LRRC4C: variants seen among roughly 807,000 people sequenced by gnomAD.
LRRC4C encodes leucine-rich repeat-containing protein 4C.
A neutral mutation model predicts 33.6 loss-of-function variants in LRRC4C; 5 were observed. That is an observed-to-expected ratio of 0.15 (90% CI 0.08 to 0.31). The LOEUF (loss-of-function observed/expected upper bound fraction) is 0.31, where lower values mean the gene tolerates loss of function less well. Ranked by LOEUF, LRRC4C falls within the 10% of genes least tolerant of loss-of-function variation. LRRC4C has a pLI of 1.00. For missense variants in LRRC4C, 560 were observed against 796.7 expected (o/e 0.70, Z 3.58); for synonymous variants, 329 against 302.0 (o/e 1.09, Z -0.93).
At chr11:41,048,105 T>C (rs1355498541) in intron 1 of LRRC4C, among the ~76,000 whole-genome samples, 1 of 152,188 alleles carries the variant, frequency 6.6e-6, no homozygotes, top group African/African-American at 2.4e-5. Context: ...TTTTTACCTT[T>C]TCTTTTTAAG....
intron 2 of LRRC4C, among the ~76,000 whole-genome samples, chr11:40,884,028 G>A (rs1449855950): frequency 6.6e-6 from 1 of 151,790 alleles, no homozygotes; most frequent in Non-Finnish European, 1.5e-5. Context: ...AGCCCCGCAT[G>A]CATTATCTTA....
intron 3 of LRRC4C, among the ~76,000 whole-genome samples, chr11:40,348,673 T>C (rs1231974271): frequency 6.6e-6 from 1 of 152,140 alleles, no homozygotes; most frequent in Non-Finnish European, 1.5e-5. Flanking sequence ...CCAAAACCCA[T>C]GCAAACTAAA....
intron 1 of LRRC4C, among the ~76,000 whole-genome samples, chr11:41,239,321 C>CAA (rs56018613): frequency 0.15 from 8,278 of 54,858 alleles, 1,533 homozygotes; most frequent in East Asian, 0.41. Flanking sequence ...GACTCTGTCT[C>CAA]AAAAAAAAAA....
At chr11:40,923,540 G>T (rs1431053762) in intron 2 of LRRC4C, among the ~76,000 whole-genome samples, 3 of 152,166 alleles carry the variant, frequency 2.0e-5, no homozygotes, top group South Asian at 2.1e-4. Flanking sequence ...CCATGGAAAT[G>T]TAAAGATGAA....
At chr11:40,677,077 C>A (rs570751024) in intron 2 of LRRC4C, among the ~76,000 whole-genome samples, 146 of 152,166 alleles carry the variant, frequency 9.6e-4, no homozygotes, top group African/African-American at 3.2e-3. Context: ...GTTTTAAATT[C>A]TCTTCTTTCT....
intron 1 of LRRC4C, among the ~76,000 whole-genome samples, chr11:41,274,954 G>A (rs1949436490): frequency 6.6e-6 from 1 of 152,088 alleles, no homozygotes; most frequent in African/African-American, 2.4e-5. Context: ...ACTGGGAGAT[G>A]TATGGGTCAT....
intron 3 of LRRC4C, among the ~76,000 whole-genome samples, chr11:40,461,989 G>T (rs1952420151): frequency 6.6e-6 from 1 of 151,830 alleles, no homozygotes; most frequent in South Asian, 2.1e-4. Flanking sequence ...AGGAAGACTA[G>T]GTGGTCCATT....
chr11:40,182,951 G>C (rs1861123898), intron 5 of LRRC4C, among the ~76,000 whole-genome samples: 1 of 152,110 alleles, frequency 6.6e-6, no homozygotes. Context: ...TTAAAAAAAT[G>C]GGGCATAGTG....
intron 1 of LRRC4C, among the ~76,000 whole-genome samples, chr11:41,069,155 C>T (rs1483778015): frequency 6.6e-6 from 1 of 152,092 alleles, no homozygotes; most frequent in Non-Finnish European, 1.5e-5. Flanking sequence ...ATAAACAGAA[C>T]CAATGACAAA....
At chr11:40,637,693 A>G (rs1017813778) in intron 3 of LRRC4C, among the ~76,000 whole-genome samples, 1 of 152,182 alleles carries the variant, frequency 6.6e-6, no homozygotes, top group African/African-American at 2.4e-5. Context: ...CTCAAAATAT[A>G]TATAGAATCC....
At chr11:41,373,161 T>C (rs1471778981) in intron 1 of LRRC4C, among the ~76,000 whole-genome samples, 1 of 152,138 alleles carries the variant, frequency 6.6e-6, no homozygotes, top group Non-Finnish European at 1.5e-5. Flanking sequence ...TATAATCTCT[T>C]GGGCTTAGAC....
At chr11:41,206,597 G>A (rs1193606872) in intron 1 of LRRC4C, among the ~76,000 whole-genome samples, 1 of 152,072 alleles carries the variant, frequency 6.6e-6, no homozygotes, top group African/African-American at 2.4e-5. Context: ...CCCTTTGAGT[G>A]CCCCAGGCCC....
intron 3 of LRRC4C, among the ~76,000 whole-genome samples, chr11:40,552,632 G>T (rs1957170536): frequency 6.6e-6 from 1 of 152,106 alleles, no homozygotes. Context: ...GCCAGAAAGA[G>T]CAACATTTGT....
intron 3 of LRRC4C, among the ~76,000 whole-genome samples, chr11:40,516,185 G>T (rs1240970980): frequency 6.6e-6 from 1 of 151,486 alleles, no homozygotes; most frequent in Admixed American, 6.6e-5. Flanking sequence ...AACTTCCATT[G>T]GTATGACAAA....
At chr11:40,948,920 C>A (rs1394788026) in intron 1 of LRRC4C, among the ~76,000 whole-genome samples, 3 of 152,026 alleles carry the variant, frequency 2.0e-5, no homozygotes, top group African/African-American at 7.2e-5. Flanking sequence ...ATTTCTAGTT[C>A]TAGATCCCTG....
chr11:41,137,079 C>T (rs1565416935), intron 1 of LRRC4C, among the ~76,000 whole-genome samples: 1 of 151,978 alleles, frequency 6.6e-6, no homozygotes, highest in Non-Finnish European at 1.5e-5. Context: ...GAAACCCTGA[C>T]CCTAGTAAAA....
intron 2 of LRRC4C, among the ~76,000 whole-genome samples, chr11:40,829,590 AT>A (rs2135534049): frequency 6.6e-6 from 1 of 152,160 alleles, no homozygotes; most frequent in Admixed American, 6.6e-5. Flanking sequence ...TTTAAAGGCT[AT>A]TCATTTTGCC....
intron 1 of LRRC4C, among the ~76,000 whole-genome samples, chr11:41,443,232 G>T (rs1485513483): frequency 6.6e-6 from 1 of 151,854 alleles, no homozygotes; most frequent in African/African-American, 2.4e-5. Flanking sequence ...TTTTGTACAG[G>T]CACAGTGGCT....
At chr11:40,959,590 C>T (rs1565243569) in intron 1 of LRRC4C, among the ~76,000 whole-genome samples, 1 of 151,622 alleles carries the variant, frequency 6.6e-6, no homozygotes, top group African/African-American at 2.4e-5. Context: ...CTAAATGACT[C>T]CTGCTATTTC....
Sources: gnomAD v4.1 joint callset for allele counts (sites outside exome capture counted in the v4.1 genomes callset) on GRCh38, gnomAD v4.1.1 for gene constraint, MANE v1.5 for transcripts, NCBI Gene and HGNC (gene_info 2026-07-23, HGNC 2026-07-21) for gene names.